Variants in PPM1L observed in about 807,000 individuals in gnomAD.
PPM1L encodes the protein protein phosphatase 1L.
In PPM1L, 13 loss-of-function variants were observed where a neutral mutation model predicts 31.4. That is an observed-to-expected ratio of 0.41 (90% CI 0.27 to 0.66). The LOEUF is 0.66. PPM1L is among the 30% of genes least tolerant of loss of function. The pLI, the probability that PPM1L is intolerant of heterozygous loss-of-function variation, is 0.29. For missense variants in PPM1L, 326 were observed against 453.7 expected (o/e 0.72, Z 2.56); for synonymous variants, 184 against 175.4 (o/e 1.05, Z -0.39).
At chr3:160,964,770 G>A (rs957664412) in intron 2 of PPM1L, among the ~76,000 whole-genome samples, 1 of 152,076 alleles carries the variant, frequency 6.6e-6, no homozygotes, top group African/African-American at 2.4e-5. Context: ...GACAGTGGAT[G>A]TGGGAGGGTA....
intron 2 of PPM1L, among the ~76,000 whole-genome samples, chr3:161,046,184 A>C (rs1719061167): frequency 6.6e-6 from 1 of 151,350 alleles, no homozygotes; most frequent in Admixed American, 6.6e-5. Context: ...AAATTGATAG[A>C]CCGCTAGCAA....
chr3:160,957,409 G>T (rs199716886), intron 1 of PPM1L, among the ~76,000 whole-genome samples: 5 of 152,044 alleles, frequency 3.3e-5, no homozygotes, highest in African/African-American at 1.2e-4. Context: ...ATTCCTTTGG[G>T]TATATACCCA....
intron 1 of PPM1L, among the ~76,000 whole-genome samples, chr3:160,899,048 T>A (rs890201798): frequency 3.9e-5 from 6 of 152,162 alleles, no homozygotes; most frequent in Non-Finnish European, 8.8e-5. Context: ...TTCCTTTGTC[T>A]AGCTATGTTC....
chr3:160,977,863 T>C (rs192831781), intron 2 of PPM1L, among the ~76,000 whole-genome samples: 24 of 152,228 alleles, frequency 1.6e-4, no homozygotes, highest in African/African-American at 5.8e-4. Context: ...ATAGATAAAA[T>C]AAAAGTTTTT....
At chr3:160,964,076 T>C (rs936626658) in intron 2 of PPM1L, among the ~76,000 whole-genome samples, 1 of 152,000 alleles carries the variant, frequency 6.6e-6, no homozygotes, top group African/African-American at 2.4e-5. Context: ...TCCTTAGAGA[T>C]CATATTGCAA....
chr3:160,997,535 A>G (rs948579232), intron 2 of PPM1L, among the ~76,000 whole-genome samples: 2 of 152,168 alleles, frequency 1.3e-5, no homozygotes, highest in Non-Finnish European at 1.5e-5. Flanking sequence ...AGACTCAGGT[A>G]TAGTTATTTA....
chr3:160,998,471 C>T (rs1171044666), intron 2 of PPM1L, among the ~76,000 whole-genome samples: 1 of 152,192 alleles, frequency 6.6e-6, no homozygotes, highest in Non-Finnish European at 1.5e-5. Context: ...GTCCCTCTCT[C>T]TTCCCTCCCT....
chr3:160,883,974 G>A (rs1222626515), intron 1 of PPM1L, among the ~76,000 whole-genome samples: 1 of 151,916 alleles, frequency 6.6e-6, no homozygotes, highest in Non-Finnish European at 1.5e-5. Context: ...GGAGGCTGAG[G>A]TAGGAGGATT....
intron 1 of PPM1L, among the ~76,000 whole-genome samples, chr3:160,790,862 A>C (rs925917685): frequency 1.3e-5 from 2 of 152,138 alleles, no homozygotes; most frequent in Non-Finnish European, 2.9e-5. Flanking sequence ...TGTTAATCTC[A>C]AAGTATGTAT....
At chr3:160,814,971 G>T (rs1341879557) in intron 1 of PPM1L, among the ~76,000 whole-genome samples, 13 of 152,062 alleles carry the variant, frequency 8.5e-5, no homozygotes, top group Non-Finnish European at 1.5e-5. Context: ...AAAGGCATAA[G>T]AATGATACAA....
chr3:161,059,890 C>T (rs961218029), intron 2 of PPM1L, among the ~76,000 whole-genome samples: 2 of 152,078 alleles, frequency 1.3e-5, no homozygotes, highest in Non-Finnish European at 2.9e-5. Context: ...GCCTCCTTTG[C>T]CTCCTGCCAT....
rs1216107906 is a variant in PPM1L, at chr3:160,944,833, T to TATATAACAC, written c.400-16898_400-16897insACACATATA. Reference sequence around the variant, plus strand: ...TAACATATATATGTTATATATAACATATATATGTTATATATAACATATATT... The same window carrying TATATAACAC: ...TAACATATATATGTTATATATAACATATATAACACATATATGTTATATATAACATATATT... On this transcript the variant is annotated intron_variant, in intron 1 of 3. Coordinates refer to ENST00000498165, the MANE Select transcript of PPM1L (RefSeq NM_139245.4). Among the ~76,000 whole-genome samples, 94 of 13,288 alleles carry TATATAACAC rather than the reference T, an allele frequency of 7.1e-3. 12 individuals carry two copies. The highest frequency in any genetic ancestry group is 0.015 in the African/African-American group (89 of 5,828). The allele number at this position is 13,288 out of a possible 152,430, so 8.7% of individuals were successfully genotyped here. A position where few individuals can be genotyped will look rare whatever the true frequency, so the allele number is the denominator to read the frequency against.
At chr3:160,977,499 G>C (rs1234086441) in intron 2 of PPM1L, among the ~76,000 whole-genome samples, 1 of 152,068 alleles carries the variant, frequency 6.6e-6, no homozygotes, top group African/African-American at 2.4e-5. Context: ...CTATTTTCTA[G>C]AATTTGTTTC....
chr3:161,058,503 T>C (rs1385030046), intron 2 of PPM1L, among the ~76,000 whole-genome samples: 2 of 152,040 alleles, frequency 1.3e-5, no homozygotes, highest in South Asian at 2.1e-4. Flanking sequence ...TACATATGCA[T>C]TGAGCAATGT....
At position 160,796,301 on chromosome 3, in the gene PPM1L, G is replaced by T. The variant is rs1249998764; in HGVS notation, c.399+39594G>T. On this transcript the variant is annotated intron_variant, in intron 1 of 3. Coordinates refer to ENST00000498165, the MANE Select transcript of PPM1L (RefSeq NM_139245.4). ...GAGGTTGCTTCTGCAGAGGGCTGGA[G>T]GTTAGGTGGGGTCTGGGGCAGGGTA... Among the ~76,000 whole-genome samples, 3 of 152,154 alleles carry T rather than the reference G, an allele frequency of 2.0e-5. No individual in the cohort carries two copies. In the East Asian group the frequency reaches 5.8e-4, roughly 29 times the overall value.
At chr3:160,766,545 G>A (rs1309472186) in intron 1 of PPM1L, among the ~76,000 whole-genome samples, 3 of 152,140 alleles carry the variant, frequency 2.0e-5, no homozygotes, top group South Asian at 2.1e-4. Context: ...GTGAAGAGAT[G>A]ATTTCCACTA....
chr3:160,757,204 CCCATCG>C, intron 1 of PPM1L, among the ~76,000 whole-genome samples: 1 of 152,352 alleles, frequency 6.6e-6, no homozygotes, highest in East Asian at 1.9e-4. Context: ...GTGACTCCTT[CCCATCG>C]CCTTCACTCT....
Position 161,009,177 on chromosome 3 carries a change from G to A in PPM1L, c.574+47267G>A, listed in dbSNP as rs1022841482. Among the ~76,000 whole-genome samples the A allele has an allele frequency of 2.0e-5, 3 of 152,262 alleles. No individual in the cohort carries two copies. In the South Asian group the frequency reaches 6.2e-4, roughly 32 times the overall value. On this transcript the variant is annotated intron_variant, in intron 2 of 3. Transcript: ENST00000498165. ...GTCAATGCTAATATATATTTCTACA[G>A]TGTTTTTAATCAGTTGCCATAATGC...
At chr3:160,948,233 T>G (rs1288078318) in intron 1 of PPM1L, among the ~76,000 whole-genome samples, 2 of 152,204 alleles carry the variant, frequency 1.3e-5, no homozygotes, top group African/African-American at 4.8e-5. Context: ...CCATCCAAAT[T>G]TTAAAATATG....
Sources: allele counts gnomAD v4.1 joint callset (sites outside exome capture counted in the v4.1 genomes callset), GRCh38; gene constraint gnomAD v4.1.1; transcripts MANE v1.5; gene names NCBI Gene and HGNC (gene_info 2026-07-23, HGNC 2026-07-21).